Variants in CAPZB observed in about 807,000 individuals in gnomAD.
The protein encoded by CAPZB is capping actin protein of muscle Z-line subunit beta, also known as F-actin-capping protein subunit beta.
Under a neutral mutation model 38.1 loss-of-function variants are expected in CAPZB, and 2 were observed. That is an observed-to-expected ratio of 0.05 (90% CI 0.02 to 0.17). CAPZB has a LOEUF of 0.17. Ranked by LOEUF, CAPZB falls within the 10% of genes least tolerant of loss-of-function variation. The probability of loss-of-function intolerance (pLI) is 1.00; values close to 1 mark genes in which losing one functional copy is unlikely to be tolerated. For synonymous variants in CAPZB, 107 were observed against 127.4 expected, an observed-to-expected ratio of 0.84 and a Z score of 1.08; for missense variants, 161 against 334.2, an observed-to-expected ratio of 0.48 and a Z score of 4.04.
chr1:19,458,099 C>CAAA lies in CAPZB; in HGVS notation c.3+27334_3+27336dup, dbSNP rs58149759. Among the ~76,000 whole-genome samples, 8 of 128,778 alleles carry CAAA rather than the reference C, an allele frequency of 6.2e-5. No homozygotes were observed. In the East Asian group the frequency reaches 1.3e-3, roughly 21 times the overall value. The allele number at this position is 128,778 out of a possible 152,430, so 84.5% of individuals were successfully genotyped here. ...GTATATAAGAAATAAAAGGAGTTGC[C>CAAA]AAAAAAAAAAAAAAAAACACTAAAC... is the stretch of plus-strand genomic sequence containing the variant. On this transcript the variant is annotated intron_variant, in intron 1 of 8. Transcript: ENST00000264202.
chr1:19,364,835 T>C (rs1180041809), intron 4 of CAPZB, among the ~76,000 whole-genome samples: 1 of 151,656 alleles, frequency 6.6e-6, no homozygotes, highest in African/African-American at 2.4e-5. Flanking sequence ...AAATGGAGTA[T>C]TTTTTCTTTT....
intron 4 of CAPZB, among the ~76,000 whole-genome samples, chr1:19,369,615 C>T (rs938259712): frequency 1.3e-5 from 2 of 152,242 alleles, no homozygotes; most frequent in South Asian, 2.1e-4. Flanking sequence ...GACGGCCTGG[C>T]TCCACCCTGC....
chr1:19,394,727 C>T lies in CAPZB; in HGVS notation c.94-9101G>A, dbSNP rs141313265. Among the ~76,000 whole-genome samples, 318 of 152,114 alleles carry T rather than the reference C, an allele frequency of 2.1e-3. 2 individuals carry two copies. Among genetic ancestry groups the T allele is most frequent in the Middle Eastern group, 6.8e-3 (2 of 294 alleles). On this transcript the variant is annotated intron_variant, in intron 2 of 8. Transcript: ENST00000264202. ...CAAGACTCTGTCTCAAAATACAAAA[C>T]AAAACAAAACAAACAAACAAAAAAA...
intron 1 of CAPZB, among the ~76,000 whole-genome samples, chr1:19,435,020 T>A (rs568404059): frequency 7.4e-6 from 1 of 134,896 alleles, no homozygotes; most frequent in South Asian, 2.4e-4. Flanking sequence ...ACACTCATTA[T>A]AATATGGAAT....
chr1:19,423,657 T>C (rs1441965046), intron 1 of CAPZB, among the ~76,000 whole-genome samples: 4 of 151,854 alleles, frequency 2.6e-5, no homozygotes, highest in South Asian at 2.1e-4. Context: ...CCTAAGTAGC[T>C]TGGATTACAG....
chr1:19,400,654 G>A (rs1420934974), intron 2 of CAPZB, among the ~76,000 whole-genome samples: 2 of 152,178 alleles, frequency 1.3e-5, no homozygotes, highest in Non-Finnish European at 2.9e-5. Flanking sequence ...CTTAAAGTGA[G>A]AGTCTTCAGA....
chr1:19,410,451 T>C (rs1414032439), intron 2 of CAPZB, among the ~76,000 whole-genome samples: 1 of 152,146 alleles, frequency 6.6e-6, no homozygotes, highest in East Asian at 1.9e-4. Context: ...AATAGCACTT[T>C]CCCCCCAAAC....
chr1:19,455,447 C>T (rs1420770968), intron 1 of CAPZB, among the ~76,000 whole-genome samples: 1 of 152,196 alleles, frequency 6.6e-6, no homozygotes, highest in Non-Finnish European at 1.5e-5. Context: ...ACATGCAGGC[C>T]TCCCTTGCTG....
At chr1:19,376,052 C>T (rs558396039) in intron 4 of CAPZB, among the ~76,000 whole-genome samples, 1 of 152,350 alleles carries the variant, frequency 6.6e-6, no homozygotes, top group African/African-American at 2.4e-5. Flanking sequence ...TTCCCCAAGG[C>T]TGGCCCTAAA....
chr1:19,402,941 T>C (rs2094311031), intron 2 of CAPZB, among the ~76,000 whole-genome samples: 2 of 151,828 alleles, frequency 1.3e-5, no homozygotes, highest in Non-Finnish European at 2.9e-5. Context: ...CCCAGCTACT[T>C]GGGAGGCTGA....
intron 1 of CAPZB, among the ~76,000 whole-genome samples, chr1:19,430,859 C>G (rs2094439605): frequency 6.6e-6 from 1 of 152,194 alleles, no homozygotes; most frequent in African/African-American, 2.4e-5. Flanking sequence ...CAGAAAAACC[C>G]TGGGTCACAT....
chr1:19,450,144 C>CA (rs71008167), intron 1 of CAPZB, among the ~76,000 whole-genome samples: 1,413 of 35,042 alleles, frequency 0.04, 36 homozygotes, highest in Non-Finnish European at 0.062. Context: ...ACCCTGTCTC[C>CA]AAAAAAAAAA....
intron 1 of CAPZB, among the ~76,000 whole-genome samples, chr1:19,451,512 A>G (rs531249386): frequency 6.6e-6 from 1 of 152,088 alleles, no homozygotes; most frequent in Admixed American, 6.6e-5. Context: ...TAATATGAAT[A>G]CCACCCTACA....
intron 1 of CAPZB, among the ~76,000 whole-genome samples, chr1:19,458,400 C>T (rs34375148): frequency 0.13 from 19,499 of 152,284 alleles, 1,355 homozygotes; most frequent in Admixed American, 0.19. Context: ...GTTGCCCAGG[C>T]TGGAGTGCAG....
At chr1:19,429,210 C>G (rs984781948) in intron 1 of CAPZB, among the ~76,000 whole-genome samples, 35 of 151,720 alleles carry the variant, frequency 2.3e-4, no homozygotes, top group Admixed American at 2.2e-3. Context: ...TACACTTCCT[C>G]AACTAATATG....
rs143361100 is a variant in CAPZB at position 19,342,988 on chromosome 1, T to C, written c.731+1370A>G. On this transcript the variant is annotated intron_variant, in intron 8 of 8. Transcript: ENST00000264202. Reference sequence around the variant, plus strand: ...CCACGAGGCGGAAGGGGGGATGCCGTGGCGGCTCTGGGGTGTGGAGTGGTA... The same window carrying C: ...CCACGAGGCGGAAGGGGGGATGCCGCGGCGGCTCTGGGGTGTGGAGTGGTA... The C allele has an allele frequency of 1.9e-3, 1,319 of 691,014 alleles. 10 individuals are homozygous for C. In the African/African-American group the frequency reaches 0.019, roughly 10 times the overall value. The allele number at this position is 691,014 out of a possible 1,614,324, so 42.8% of individuals were successfully genotyped here. A position where few individuals can be genotyped will look rare whatever the true frequency, so the allele number is the denominator to read the frequency against.
intron 1 of CAPZB, chr1:19,448,850 T>G (rs749256851): frequency 1.2e-6 from 2 of 1,612,880 alleles, no homozygotes; most frequent in Admixed American, 1.7e-5. Flanking sequence ...AGGTTCTGGG[T>G]CACATCTTCT....
At chr1:19,404,409 T>C (rs2094319996) in intron 2 of CAPZB, among the ~76,000 whole-genome samples, 1 of 151,582 alleles carries the variant, frequency 6.6e-6, no homozygotes, top group South Asian at 2.1e-4. Flanking sequence ...CCAGGCACGG[T>C]GGTACAGGCC....
chr1:19,374,598 G>A (rs772406132), intron 4 of CAPZB: 2 of 152,312 alleles, frequency 1.3e-5, no homozygotes, highest in African/African-American at 4.8e-5. Flanking sequence ...GCACAAGGGC[G>A]AGCCCAGCCT....
Sources: allele counts gnomAD v4.1 joint callset (sites outside exome capture counted in the v4.1 genomes callset), GRCh38; gene constraint gnomAD v4.1.1; transcripts MANE v1.5; gene names NCBI Gene and HGNC (gene_info 2026-07-23, HGNC 2026-07-21).